FAM117A: variants seen among roughly 807,000 people sequenced by gnomAD.
FAM117A encodes the protein family with sequence similarity 117 member A.
In FAM117A, 21 loss-of-function variants were observed where a neutral mutation model predicts 44.1. The ratio of observed to expected loss-of-function variants is 0.48; its 90% CI spans 0.34 to 0.69. The LOEUF (loss-of-function observed/expected upper bound fraction) is 0.69, where lower values mean the gene tolerates loss of function less well. FAM117A is among the 30% of genes least tolerant of loss of function. The pLI is 0.01. For synonymous variants in FAM117A, 220 were observed against 238.3 expected, an observed-to-expected ratio of 0.92 and a Z score of 0.71; for missense variants, 498 against 589.9, an observed-to-expected ratio of 0.84 and a Z score of 1.61.
chr17:49,719,661 T>C lies in FAM117A; in HGVS notation c.708+99A>G. ...TTGTATGCTGCTGTTTGCGTAGCCA[T>C]AGCCTGTGAGGCCCCAGAGAGCAGG... On this transcript the variant is annotated intron_variant, in intron 5 of 7. Coordinates refer to ENST00000240364, the MANE Select transcript of FAM117A (RefSeq NM_030802.4). The C allele has an allele frequency of 2.2e-6, 3 of 1,391,510 alleles. No individual in the cohort carries two copies. The Admixed American group carries it at 8.0e-5, about 37-fold the overall frequency. The allele number at this position is 1,391,510 out of a possible 1,614,324, so 86.2% of individuals were successfully genotyped here.
At chr17:49,783,646 T>C (rs1054092134) in intron 1 of FAM117A, among the ~76,000 whole-genome samples, 3 of 152,176 alleles carry the variant, frequency 2.0e-5, no homozygotes, top group Non-Finnish European at 4.4e-5. Flanking sequence ...GAAGGGCCTA[T>C]TAGTGACTGT....
intron 1 of FAM117A, among the ~76,000 whole-genome samples, chr17:49,746,658 C>T (rs1343583105): frequency 6.6e-6 from 1 of 152,166 alleles, no homozygotes; most frequent in African/African-American, 2.4e-5. Context: ...GGGATATAAC[C>T]TCAGATATAC....
intron 2 of FAM117A, among the ~76,000 whole-genome samples, chr17:49,729,588 C>T (rs1269988287): frequency 6.7e-6 from 1 of 149,084 alleles, no homozygotes; most frequent in African/African-American, 2.5e-5. Flanking sequence ...TTTACTGCAA[C>T]CTCTGCCTCC....
At chr17:49,724,158 TGAG>T (rs1003708801) in intron 2 of FAM117A, among the ~76,000 whole-genome samples, 8 of 151,880 alleles carry the variant, frequency 5.3e-5, no homozygotes, top group African/African-American at 1.9e-4. Flanking sequence ...CACTGAAAAG[TGAG>T]GAGGAAGCCC....
intron 1 of FAM117A, among the ~76,000 whole-genome samples, chr17:49,780,678 A>C: frequency 6.6e-6 from 1 of 151,482 alleles, no homozygotes; most frequent in Non-Finnish European, 1.5e-5. Flanking sequence ...GCCTCTCCTC[A>C]CCACTTTCAT....
chr17:49,760,576 G>A (rs951609721), intron 1 of FAM117A, among the ~76,000 whole-genome samples: 2 of 152,218 alleles, frequency 1.3e-5, no homozygotes, highest in African/African-American at 4.8e-5. Context: ...CTGGTGGTCA[G>A]AGGAGGTTCC....
intron 1 of FAM117A, among the ~76,000 whole-genome samples, chr17:49,744,351 T>G (rs2073646019): frequency 6.6e-6 from 1 of 152,138 alleles, no homozygotes. Flanking sequence ...ATGATCATAG[T>G]TCATTGCAAC....
Position 49,717,547 on chromosome 17 carries a change from G to A in FAM117A, c.876C>T (p.Ala292=), listed in dbSNP as rs16948341. Residue 292 remains alanine, a synonymous_variant, in exon 6 of 8, where the codon GCC becomes GCT. Transcript: ENST00000240364. ...GLASHEEHRG[A]AEELASTPND... is the part of the protein sequence containing the mutation. ...TGGGGGTGGATGCCAGCTCCTCGGC[G>A]GCACCCCGATGTTCCTCATGACTGG... 7.0e-3 allele frequency: 11,248 copies of A among 1,614,008 alleles called. 90 individuals carry two copies. The highest frequency in any genetic ancestry group is 0.023 in the Middle Eastern group (142 of 6,056).
Position 49,711,546 on chromosome 17 carries a change from A to G in FAM117A, c.1071T>C (p.Gly357=). 6.2e-7 allele frequency: 1 copy of G among 1,613,784 alleles called. No individual in the cohort carries two copies. The highest frequency in any genetic ancestry group is 8.5e-7 in the Non-Finnish European group (1 of 1,179,964). The change falls in exon 8 of 8, where the codon GGT becomes GGC. Residue 357 remains glycine (G), a synonymous_variant. Coordinates refer to ENST00000240364, the MANE Select transcript of FAM117A (RefSeq NM_030802.4). The stretch of plus-strand genomic sequence containing the variant: ...AGGAAGTCAGGAAGGCCAGGTCAGG[A>G]CCTGGAGACCTGGAGGATGAAGAGA... The part of the protein sequence containing the change: ...VRVFEEATSP[G]PDLAFLTSCP...
At chr17:49,750,871 C>CA (rs1178105427) in intron 1 of FAM117A, among the ~76,000 whole-genome samples, 1 of 152,112 alleles carries the variant, frequency 6.6e-6, no homozygotes, top group Non-Finnish European at 1.5e-5. Flanking sequence ...ACAAACCCCA[C>CA]AAAAAACAAC....
chr17:49,722,191 C>G (rs2073537994), intron 3 of FAM117A, among the ~76,000 whole-genome samples: 1 of 152,186 alleles, frequency 6.6e-6, no homozygotes, highest in African/African-American at 2.4e-5. Flanking sequence ...CTGTCTTCCT[C>G]CAGTCTCTGA....
intron 7 of FAM117A, among the ~76,000 whole-genome samples, chr17:49,714,650 C>CTT (rs1276744945): frequency 3.6e-5 from 5 of 140,120 alleles, no homozygotes; most frequent in East Asian, 2.1e-4. Context: ...TCACCACTTC[C>CTT]TTTTTTTTTT....
chr17:49,749,497 A>AAC (rs1567833571), intron 1 of FAM117A, among the ~76,000 whole-genome samples: 5 of 145,372 alleles, frequency 3.4e-5, no homozygotes, highest in Non-Finnish European at 6.2e-5. Context: ...GAATCGCCTG[A>AAC]ATCTGGGAGG....
At position 49,716,246 on chromosome 17, in the gene FAM117A, G is replaced by T; in HGVS notation, c.980C>A (p.Ser327Tyr). ...SPSPVLAFAA[S>Y]PRPNHSYIFK... The stretch of plus-strand genomic sequence containing the variant: ...GATGTAGCTATGATTAGGTCGAGGG[G>T]AGGCAGCAAAGGCAAGGACTGGAGA... The change falls in exon 7 of 8, where the codon TCC becomes TAC. Residue 327 changes from serine (S) to tyrosine (Y), a missense_variant. Transcript: ENST00000240364. The T allele has an allele frequency of 6.2e-7, 1 of 1,613,260 alleles. No individual in the cohort carries two copies. The highest frequency in any genetic ancestry group is 8.5e-7 in the Non-Finnish European group (1 of 1,179,618).
rs201012415 is a variant in FAM117A at position 49,764,115 on chromosome 17, C to T, written c.-28G>A. The T allele has an allele frequency of 2.9e-4, 352 of 1,202,772 alleles. 1 individual carries two copies. The African/African-American group carries it at 4.3e-3, about 15-fold the overall frequency. The allele number at this position is 1,202,772 out of a possible 1,614,324, so 74.5% of individuals were successfully genotyped here. The stretch of plus-strand genomic sequence containing the variant: ...CTCTCCCGGCTGCCTGCCTCAGCCC[C>T]ACTGCGAGACTCACACAGCCCCCCA... On this transcript the variant is annotated 5_prime_UTR_variant, in exon 1 of 8. Transcript: ENST00000240364.
intron 1 of FAM117A, among the ~76,000 whole-genome samples, chr17:49,782,954 A>AT (rs2073794232): frequency 6.6e-6 from 1 of 152,190 alleles, no homozygotes; most frequent in Admixed American, 6.5e-5. Flanking sequence ...CATTTGTTGA[A>AT]TGTATAAATG....
intron 1 of FAM117A, among the ~76,000 whole-genome samples, chr17:49,759,784 G>A (rs1022041820): frequency 1.3e-5 from 2 of 152,156 alleles, no homozygotes; most frequent in Non-Finnish European, 2.9e-5. Flanking sequence ...CTGCAGCCTC[G>A]TATTCACGAA....
chr17:49,741,815 C>T (rs1341122432), intron 1 of FAM117A, among the ~76,000 whole-genome samples: 1 of 152,086 alleles, frequency 6.6e-6, no homozygotes, highest in African/African-American at 2.4e-5. Context: ...CAGGGCAGGC[C>T]GTCTTCTGAG....
Position 49,740,476 on chromosome 17 carries a change from T to C in FAM117A, c.197-7756A>G, listed in dbSNP as rs539170495. Reference sequence around the variant, plus strand: ...GTGTTAGCCAGGATGGTCTTGATCTTCTGACCTTGTGATCCGCCCACCTTG... The same window carrying C: ...GTGTTAGCCAGGATGGTCTTGATCTCCTGACCTTGTGATCCGCCCACCTTG... On this transcript the variant is annotated intron_variant, in intron 1 of 7. Transcript: ENST00000240364. Among the ~76,000 whole-genome samples, 121 of 152,264 alleles carry C rather than the reference T, an allele frequency of 7.9e-4. 1 individual carries two copies. Among genetic ancestry groups the C allele is most frequent in the Admixed American group, 3.2e-3 (49 of 15,298 alleles).
Sources: gnomAD v4.1 joint callset for allele counts (sites outside exome capture counted in the v4.1 genomes callset) on GRCh38, gnomAD v4.1.1 for gene constraint, MANE v1.5 for transcripts, NCBI Gene and HGNC (gene_info 2026-07-23, HGNC 2026-07-21) for gene names.